Variants in ULK4 observed in about 807,000 individuals in gnomAD.
The protein encoded by ULK4 is unc-51 like kinase 4, also known as inactive serine/threonine-protein kinase ULK4.
ULK4 carries 133 observed loss-of-function variants against 160.6 expected under a neutral mutation model. The observed-to-expected ratio is 0.83, with a 90% CI of 0.72 to 0.96. ULK4 has a LOEUF of 0.96. Ranked by LOEUF, ULK4 falls within the 40% of genes least tolerant of loss-of-function variation. ULK4 has a pLI of 0.00. For missense variants in ULK4, 1,580 were observed against 1,499.5 expected, an observed-to-expected ratio of 1.05 and a Z score of -0.89; for synonymous variants, 534 against 539.8, an observed-to-expected ratio of 0.99 and a Z score of 0.15.
intron 21 of ULK4, among the ~76,000 whole-genome samples, chr3:41,762,377 A>C (rs2039012271): frequency 6.6e-6 from 1 of 152,164 alleles, no homozygotes. Flanking sequence ...ACCCAAAAGA[A>C]TTTAAAATGT....
At chr3:41,956,534 C>T (rs1700491661) in intron 1 of ULK4, among the ~76,000 whole-genome samples, 1 of 152,142 alleles carries the variant, frequency 6.6e-6, no homozygotes, top group South Asian at 2.1e-4. Flanking sequence ...CTCTACTGGT[C>T]TTGACTGGTA....
At chr3:41,902,703 T>C (rs1207116124) in intron 12 of ULK4, among the ~76,000 whole-genome samples, 2 of 150,836 alleles carry the variant, frequency 1.3e-5, no homozygotes, top group Non-Finnish European at 2.9e-5. Context: ...ACTTTCATGG[T>C]AAAAAGACAG....
At chr3:41,653,117 T>C (rs1553627678) in intron 30 of ULK4, among the ~76,000 whole-genome samples, 1 of 152,156 alleles carries the variant, frequency 6.6e-6, no homozygotes, top group Non-Finnish European at 1.5e-5. Flanking sequence ...CCTTCGGGCA[T>C]ATCTTTCCAA....
At chr3:41,857,321 A>G (rs549473600) in intron 17 of ULK4, among the ~76,000 whole-genome samples, 147 of 152,232 alleles carry the variant, frequency 9.7e-4, no homozygotes, top group African/African-American at 3.2e-3. Context: ...GATATTTCCA[A>G]TGTAGTGCTG....
intron 32 of ULK4, among the ~76,000 whole-genome samples, chr3:41,517,168 G>A (rs1309104690): frequency 6.6e-6 from 1 of 152,178 alleles, no homozygotes; most frequent in South Asian, 2.1e-4. Context: ...AAAAGAATGA[G>A]ATACCACCAT....
intron 30 of ULK4, among the ~76,000 whole-genome samples, chr3:41,632,593 A>G (rs1278575801): frequency 6.6e-6 from 1 of 152,180 alleles, no homozygotes; most frequent in African/African-American, 2.4e-5. Flanking sequence ...AGACAACAGA[A>G]TAACCTTTTC....
intron 35 of ULK4, among the ~76,000 whole-genome samples, chr3:41,276,503 A>T (rs1478350588): frequency 6.6e-6 from 1 of 152,240 alleles, no homozygotes; most frequent in Non-Finnish European, 1.5e-5. Context: ...GTGATAGAAA[A>T]AGAATAAAAG....
At chr3:41,493,255 G>C (rs1414261888) in intron 32 of ULK4, among the ~76,000 whole-genome samples, 5 of 146,366 alleles carry the variant, frequency 3.4e-5, no homozygotes, top group South Asian at 2.2e-4. Flanking sequence ...AATCAAACTA[G>C]AACTCAGGAT....
chr3:41,480,780 A>G (rs1194890338), intron 32 of ULK4, among the ~76,000 whole-genome samples: 3 of 152,210 alleles, frequency 2.0e-5, no homozygotes, highest in Non-Finnish European at 2.9e-5. Context: ...CAGGAAATGT[A>G]CAATCATGGT....
chr3:41,789,289 G>C (rs11924162), intron 21 of ULK4, among the ~76,000 whole-genome samples: 8,144 of 152,160 alleles, frequency 0.054, 723 homozygotes, highest in African/African-American at 0.18. Flanking sequence ...AAATAGGTCA[G>C]AGCAAGCAGA....
At chr3:41,752,132 A>G (rs2038651397) in intron 22 of ULK4, among the ~76,000 whole-genome samples, 1 of 152,260 alleles carries the variant, frequency 6.6e-6, no homozygotes, top group African/African-American at 2.4e-5. Context: ...TGTGAGTACA[A>G]GAAATGATCT....
At position 41,884,795 on chromosome 3, in the gene ULK4, C is replaced by T. The variant is rs149995153; in HGVS notation, c.1578-843G>A. ...ACAACTCTAACATACAGAAATAATC[C>T]TTATAAATTTCAACACTTCTTAAAT... On this transcript the variant is annotated intron_variant, in intron 16 of 36. Coordinates refer to ENST00000301831, the MANE Select transcript of ULK4 (RefSeq NM_017886.4). 1.2e-4 allele frequency among the ~76,000 whole-genome samples: 18 copies of T among 152,274 alleles called. No homozygotes were observed. The East Asian group carries it at 3.3e-3, about 28-fold the overall frequency.
chr3:41,864,346 CTGTTTTGTTTTGTTTTGTTT>C (rs10535539), intron 17 of ULK4, among the ~76,000 whole-genome samples: 27,909 of 149,696 alleles, frequency 0.19, 6,938 homozygotes, highest in African/African-American at 0.57. Flanking sequence ...CAATTCAGAA[CTGTTTTGTTTTGTTTTGTTT>C]TGTTTTGTTT....
rs377542796 is a variant in ULK4 at position 41,693,465 on chromosome 3, T to C, written c.2781+11592A>G. ...GCCAAACATTGGTGGAATACTAAAC[T>C]TGTCTTAATAAAGAGTGAGAAAAAT... On this transcript the variant is annotated intron_variant, in intron 27 of 36. Transcript: ENST00000301831. 4.6e-5 allele frequency among the ~76,000 whole-genome samples: 7 copies of C among 152,302 alleles called. No homozygotes were observed. In the South Asian group the frequency reaches 8.3e-4, roughly 18 times the overall value.
intron 17 of ULK4, among the ~76,000 whole-genome samples, chr3:41,836,859 G>C (rs935536055): frequency 2.0e-5 from 3 of 152,014 alleles, no homozygotes; most frequent in Non-Finnish European, 4.4e-5. Flanking sequence ...TCATACACCA[G>C]AACACAGGTT....
intron 31 of ULK4, among the ~76,000 whole-genome samples, chr3:41,587,133 T>C (rs538910039): frequency 2.5e-4 from 38 of 152,276 alleles, no homozygotes; most frequent in African/African-American, 7.7e-4. Flanking sequence ...TTGATTGTGG[T>C]TGTAAGACTG....
chr3:41,861,978 AT>A (rs1176873938), intron 17 of ULK4, among the ~76,000 whole-genome samples: 7 of 151,706 alleles, frequency 4.6e-5, no homozygotes, highest in African/African-American at 1.7e-4. Context: ...CACCCAGCTA[AT>A]TTTTGTATTT....
chr3:41,367,233 A>G (rs1421411097), intron 35 of ULK4, among the ~76,000 whole-genome samples: 1 of 152,186 alleles, frequency 6.6e-6, no homozygotes, highest in Non-Finnish European at 1.5e-5. Context: ...GCCTGATGAG[A>G]TATCTCAGCA....
At chr3:41,832,373 C>T (rs866197382) in intron 18 of ULK4, among the ~76,000 whole-genome samples, 10 of 152,052 alleles carry the variant, frequency 6.6e-5, no homozygotes, top group East Asian at 5.8e-4. Flanking sequence ...CCTTTGCCCA[C>T]GTTTTTATGG....
Sources: gnomAD v4.1 joint callset for allele counts (sites outside exome capture counted in the v4.1 genomes callset) on GRCh38, gnomAD v4.1.1 for gene constraint, MANE v1.5 for transcripts, NCBI Gene and HGNC (gene_info 2026-07-23, HGNC 2026-07-21) for gene names.